The following RAB9B variants were observed in gnomAD, a reference collection of about 807,000 sequenced individuals.
RAB9B encodes ras-related protein Rab-9B.
Under a neutral mutation model 8.9 loss-of-function variants are expected in RAB9B, and 1 was observed. The ratio of observed to expected loss-of-function variants is 0.11; its 90% CI spans 0.04 to 0.53. The LOEUF (loss-of-function observed/expected upper bound fraction) is 0.53, where lower values mean the gene tolerates loss of function less well. Ranked by LOEUF, RAB9B falls within the 20% of genes least tolerant of loss-of-function variation. The pLI is 0.93. For synonymous variants in RAB9B, 63 were observed against 57.0 expected (o/e 1.10, Z -0.47); for missense variants, 82 against 152.9 (o/e 0.54, Z 2.45).
chrX:103,813,549 G>A, the RAB9B span, among the ~76,000 whole-genome samples: 3 of 108,395 alleles, frequency 2.8e-5, no homozygotes, highest in East Asian at 2.9e-4. Flanking sequence ...TGCAACCTCC[G>A]TCTTATTCAC....
the RAB9B span, among the ~76,000 whole-genome samples, chrX:103,813,169 C>T: frequency 9.1e-6 from 1 of 109,833 alleles, no homozygotes; most frequent in Non-Finnish European, 1.9e-5. Context: ...GATCTGCCTG[C>T]CTTGGCCTCC....
At chrX:103,807,052 GCTGTCACTAGATTC>G in the RAB9B span, among the ~76,000 whole-genome samples, 5 of 112,105 alleles carry the variant, frequency 4.5e-5, no homozygotes, top group Non-Finnish European at 9.4e-5. Context: ...CAGGACATAG[GCTGTCACTAGATTC>G]CATGCTGGTG....
rs939962231 is a variant in RAB9B, at chrX:103,829,887, T to C, written c.-117+2173A>G. ...CAGGATCCTCCATGGAGATAATAAATATTTGTTTACCAATTAAATGATTAG... is the reference window on the plus strand; with the variant it reads ...CAGGATCCTCCATGGAGATAATAAACATTTGTTTACCAATTAAATGATTAG... On this transcript the variant is annotated intron_variant, in intron 1 of 2. Coordinates refer to ENST00000243298, the MANE Select transcript of RAB9B (RefSeq NM_016370.4). Among the ~76,000 whole-genome samples the C allele has an allele frequency of 2.7e-5, 3 of 112,039 alleles. No homozygotes were observed. In the Admixed American group the frequency reaches 2.8e-4, roughly 11 times the overall value.
At chrX:103,799,970 A>G in the RAB9B span, among the ~76,000 whole-genome samples, 1 of 111,504 alleles carries the variant, frequency 9.0e-6, no homozygotes, top group African/African-American at 3.3e-5. Context: ...GGATTGCTCT[A>G]CTTTAGAGTC....
the RAB9B span, chrX:103,790,819 G>T: frequency 2.3e-6 from 1 of 427,329 alleles, no homozygotes; most frequent in East Asian, 3.9e-5. Context: ...GCTGGTTCCT[G>T]CTAGAAATGG....
chrX:103,817,604 A>C (rs186274204), downstream of RAB9B, among the ~76,000 whole-genome samples: 84 of 109,728 alleles, frequency 7.7e-4, no homozygotes, highest in African/African-American at 2.5e-3. Flanking sequence ...TACTCTCTCT[A>C]TATATACTAT....
chrX:103,831,682 G>A (rs1220950812), intron 1 of RAB9B, among the ~76,000 whole-genome samples: 2 of 108,639 alleles, frequency 1.8e-5, no homozygotes, highest in Non-Finnish European at 3.8e-5. Flanking sequence ...GGCACTGTTA[G>A]CATTACGGAC....
chrX:103,816,493 A>G, the RAB9B span, among the ~76,000 whole-genome samples: 32,401 of 110,878 alleles, frequency 0.29, 3,504 homozygotes, highest in East Asian at 0.38. Context: ...AAAAAACCTG[A>G]GCAATACCAT....
At chrX:103,825,978 T>C (rs944704299) in intron 2 of RAB9B, among the ~76,000 whole-genome samples, 152 bp from the exon 3 acceptor site, 1 of 112,279 alleles carries the variant, frequency 8.9e-6, no homozygotes, top group African/African-American at 3.2e-5. Context: ...GAAATAACAC[T>C]AATTTTGCAT....
chrX:103,795,224 C>G, the RAB9B span, among the ~76,000 whole-genome samples: 1 of 107,880 alleles, frequency 9.3e-6, no homozygotes, highest in Admixed American at 1.0e-4. Flanking sequence ...CAGGGAGAAA[C>G]TTGCACAGTC....
At chrX:103,812,239 G>A in the RAB9B span, among the ~76,000 whole-genome samples, 1 of 111,120 alleles carries the variant, frequency 9.0e-6, no homozygotes, top group African/African-American at 3.3e-5. Flanking sequence ...ACCTCCTAAA[G>A]ACTCCACCAC....
At chrX:103,784,475 C>T in the RAB9B span, among the ~76,000 whole-genome samples, 3 of 111,665 alleles carry the variant, frequency 2.7e-5, no homozygotes. Context: ...GGAGTAATAT[C>T]AAACCTCCTA....
the RAB9B span, among the ~76,000 whole-genome samples, chrX:103,802,047 T>TAACA: frequency 1.8e-5 from 2 of 110,732 alleles, no homozygotes; most frequent in Non-Finnish European, 3.8e-5. Context: ...ATCAAGAAAT[T>TAACA]AACAGTTAAA....
At position 103,825,384 on chromosome X, in the gene RAB9B, G is replaced by C. The variant is rs199858408; in HGVS notation, c.401C>G (p.Thr134Ser). Residue 134 changes from threonine (T) to serine (S), a missense_variant, in exon 3 of 3, where the codon ACT (threonine) becomes AGT (serine). Transcript: ENST00000243298. Reference protein sequence around the residue: ...NKVDKEDRQVTTEEAQTWCME... With the variant: ...NKVDKEDRQVSTEEAQTWCME... Reference sequence around the variant, plus strand: ...GCACCAGGTTTGTGCCTCCTCAGTAGTCACTTGCCTATCCTCTTTGTCTAC... The same window carrying C: ...GCACCAGGTTTGTGCCTCCTCAGTACTCACTTGCCTATCCTCTTTGTCTAC... 61 of 1,209,886 alleles carry C rather than the reference G, an allele frequency of 5.0e-5. No homozygotes were observed. Among genetic ancestry groups the C allele is most frequent in the Non-Finnish European group, 6.5e-5 (58 of 895,214 alleles).
At position 103,822,632 on chromosome X, in the gene RAB9B, G is replaced by C. The variant is rs2074665988; in HGVS notation, c.*2547C>G. 1 of 111,274 alleles carries C rather than the reference G, an allele frequency of 9.0e-6. No individual in the cohort carries two copies. Among genetic ancestry groups the C allele is most frequent in the African/African-American group, 3.3e-5 (1 of 30,598 alleles). 9.2% of individuals were successfully genotyped at this position (111,274 alleles called of 1,213,427 possible). ...TTGAAAAACAGTATAGTCCTAATTAGAAATATATTATTCCAAAAATCTAGT... is the reference window on the plus strand; with the variant it reads ...TTGAAAAACAGTATAGTCCTAATTACAAATATATTATTCCAAAAATCTAGT... On this transcript the variant is annotated 3_prime_UTR_variant, in exon 3 of 3. Transcript: ENST00000243298.
At chrX:103,778,595 G>A in the RAB9B span, among the ~76,000 whole-genome samples, 2 of 111,413 alleles carry the variant, frequency 1.8e-5, no homozygotes, top group Non-Finnish European at 3.8e-5. Context: ...GTGACCACAG[G>A]GACAATTGCC....
chrX:103,815,602 G>A, the RAB9B span, among the ~76,000 whole-genome samples: 1 of 111,907 alleles, frequency 8.9e-6, no homozygotes, highest in Non-Finnish European at 1.9e-5. Flanking sequence ...GCAAGAAAAA[G>A]CAATACAGGG....
the RAB9B span, among the ~76,000 whole-genome samples, chrX:103,807,390 C>T: frequency 9.0e-6 from 1 of 111,567 alleles, no homozygotes; most frequent in East Asian, 2.8e-4. Context: ...GATCTCCAAT[C>T]ACTTTTCTGT....
the RAB9B span, among the ~76,000 whole-genome samples, chrX:103,784,378 G>T: frequency 8.9e-6 from 1 of 111,786 alleles, no homozygotes; most frequent in Non-Finnish European, 1.9e-5. Context: ...ATAACTGAGG[G>T]TGGGGACATT....
Sources: allele counts gnomAD v4.1 joint callset (sites outside exome capture counted in the v4.1 genomes callset), GRCh38; gene constraint gnomAD v4.1.1; transcripts MANE v1.5; gene names NCBI Gene and HGNC (gene_info 2026-07-23, HGNC 2026-07-21).